The following CMSS1 variants were observed in gnomAD, a reference collection of about 807,000 sequenced individuals.
CMSS1 encodes cms1 ribosomal small subunit homolog, also known as protein CMSS1.
A neutral mutation model predicts 43.5 loss-of-function variants in CMSS1; 33 were observed. That is an observed-to-expected ratio of 0.76 (90% confidence interval 0.57 to 1.01). CMSS1 has a LOEUF of 1.01. CMSS1 is among the 50% of genes least tolerant of loss of function. CMSS1 has a pLI of 0.00. For synonymous variants in CMSS1, 115 were observed against 117.2 expected (o/e 0.98, Z 0.12); for missense variants, 313 against 326.4 (o/e 0.96, Z 0.32).
intron 1 of CMSS1, among the ~76,000 whole-genome samples, chr3:99,911,607 G>A (rs1706791446): frequency 6.6e-6 from 1 of 152,028 alleles, no homozygotes; most frequent in Non-Finnish European, 1.5e-5. Flanking sequence ...TAATGTACCT[G>A]TGAGTGCATT....
chr3:100,048,545 C>G (rs542622987), intron 1 of CMSS1, among the ~76,000 whole-genome samples: 16 of 152,322 alleles, frequency 1.1e-4, no homozygotes, highest in Admixed American at 5.2e-4. Context: ...TATTGTGACA[C>G]AACCCACCAC....
intron 7 of CMSS1, 24 bp downstream of exon 7, chr3:100,171,923 C>T (rs374040024): frequency 1.9e-6 from 3 of 1,578,412 alleles, no homozygotes; most frequent in Admixed American, 1.7e-5. Context: ...TGTGTGATCC[C>T]TAAAGGCCTC....
intron 1 of CMSS1, among the ~76,000 whole-genome samples, chr3:99,891,828 A>G (rs1190727280): frequency 2.0e-5 from 3 of 152,210 alleles, no homozygotes; most frequent in Non-Finnish European, 4.4e-5. Flanking sequence ...AATTGTATAA[A>G]CATTGTGTCC....
At chr3:99,943,128 G>A (rs1194406243) in intron 1 of CMSS1, among the ~76,000 whole-genome samples, 7 of 152,066 alleles carry the variant, frequency 4.6e-5, no homozygotes, top group African/African-American at 1.4e-4. Context: ...CTTTAAAGGC[G>A]AACTTAATTT....
intron 1 of CMSS1, among the ~76,000 whole-genome samples, chr3:100,010,676 T>G (rs536542938): frequency 6.6e-6 from 1 of 150,900 alleles, no homozygotes; most frequent in Non-Finnish European, 1.5e-5. Flanking sequence ...GTGCAGTGGC[T>G]CGATCTCTGC....
At chr3:100,139,619 A>T (rs955419238) in intron 1 of CMSS1, among the ~76,000 whole-genome samples, 1 of 149,534 alleles carries the variant, frequency 6.7e-6, no homozygotes, top group African/African-American at 2.5e-5. Context: ...GTGTGTATAT[A>T]TATATATATA....
intron 1 of CMSS1, among the ~76,000 whole-genome samples, chr3:100,146,169 G>A (rs530123047): frequency 6.6e-6 from 1 of 152,306 alleles, no homozygotes; most frequent in Admixed American, 6.5e-5. Flanking sequence ...CGACATTATG[G>A]GAAATAAGAA....
At chr3:99,981,627 A>T (rs1198306697) in intron 1 of CMSS1, among the ~76,000 whole-genome samples, 1 of 152,200 alleles carries the variant, frequency 6.6e-6, no homozygotes, top group African/African-American at 2.4e-5. Context: ...CCCGTTTTGC[A>T]AGTGGAAAAT....
chr3:99,961,725 C>T (rs992772274), intron 1 of CMSS1, among the ~76,000 whole-genome samples: 3 of 152,098 alleles, frequency 2.0e-5, no homozygotes, highest in African/African-American at 7.2e-5. Flanking sequence ...TAAGAATATT[C>T]TTCTCCTTCC....
intron 1 of CMSS1, among the ~76,000 whole-genome samples, chr3:100,002,460 C>G (rs1052406559): frequency 2.0e-5 from 3 of 152,148 alleles, no homozygotes; most frequent in African/African-American, 7.2e-5. Context: ...CAGTTTCTGC[C>G]TGCCACTGCT....
At chr3:100,168,642 C>A (rs1268695699) in intron 6 of CMSS1, among the ~76,000 whole-genome samples, 2 of 151,946 alleles carry the variant, frequency 1.3e-5, no homozygotes, top group East Asian at 3.8e-4. Flanking sequence ...ATACCATATT[C>A]TTGAACAGGA....
intron 1 of CMSS1, among the ~76,000 whole-genome samples, chr3:99,872,322 T>TGTGTGTGTGA (rs1491147270): frequency 3.5e-5 from 5 of 141,234 alleles, no homozygotes; most frequent in Admixed American, 1.4e-4. Context: ...TGTGTGTGTG[T>TGTGTGTGTGA]GACTGTGGGG....
intron 1 of CMSS1, chr3:99,875,966 G>T: frequency 1.4e-6 from 1 of 737,338 alleles, no homozygotes; most frequent in Non-Finnish European, 1.7e-6. Context: ...AAACCTGTCT[G>T]CAGTTTGTGA....
chr3:99,819,686 G>T (rs1198600652), intron 1 of CMSS1, among the ~76,000 whole-genome samples: 1 of 151,084 alleles, frequency 6.6e-6, no homozygotes, highest in Non-Finnish European at 1.5e-5. Flanking sequence ...CTGGGCCTTT[G>T]TATCATAATC....
intron 1 of CMSS1, among the ~76,000 whole-genome samples, chr3:99,909,576 A>G (rs1312256235): frequency 6.6e-6 from 1 of 152,216 alleles, no homozygotes; most frequent in African/African-American, 2.4e-5. Context: ...GAAACTCTCT[A>G]GAGTAAGAGA....
At chr3:99,964,864 A>G (rs576737491) in intron 1 of CMSS1, among the ~76,000 whole-genome samples, 2 of 152,256 alleles carry the variant, frequency 1.3e-5, no homozygotes, top group South Asian at 2.1e-4. Context: ...ACTCTTTCCT[A>G]AGTTAATATT....
intron 1 of CMSS1, among the ~76,000 whole-genome samples, chr3:99,851,660 A>G (rs938542483): frequency 1.3e-5 from 2 of 152,230 alleles, no homozygotes; most frequent in Admixed American, 6.5e-5. Flanking sequence ...TATTTATCAA[A>G]TGGCTTGCTT....
intron 1 of CMSS1, among the ~76,000 whole-genome samples, chr3:100,048,866 A>G (rs1445831454): frequency 2.0e-5 from 3 of 152,206 alleles, no homozygotes; most frequent in African/African-American, 7.2e-5. Context: ...GAATTATATA[A>G]GGTTGATATG....
chr3:100,021,960 T>TGTGTGTGAGAGAGAGAGAGAGAGAGA (rs1321185364), intron 1 of CMSS1, among the ~76,000 whole-genome samples: 1 of 93,288 alleles, frequency 1.1e-5, no homozygotes, highest in African/African-American at 4.0e-5. Flanking sequence ...TGTGTGTGTG[T>TGTGTGTGAGAGAGAGAGAGAGAGAGA]GAGAGAGAGA....
Sources: gnomAD v4.1 joint callset for allele counts (sites outside exome capture counted in the v4.1 genomes callset) on GRCh38, gnomAD v4.1.1 for gene constraint, MANE v1.5 for transcripts, NCBI Gene and HGNC (gene_info 2026-07-23, HGNC 2026-07-21) for gene names.